PPP1R12B: variants seen among roughly 807,000 people sequenced by gnomAD.
PPP1R12B encodes myosin phosphatase target subunit 2.
A neutral mutation model predicts 126.1 loss-of-function variants in PPP1R12B; 76 were observed. The ratio of observed to expected loss-of-function variants is 0.60; its 90% CI spans 0.50 to 0.73. The LOEUF (loss-of-function observed/expected upper bound fraction) is 0.73, where lower values mean the gene tolerates loss of function less well. Among genes scored for constraint, PPP1R12B ranks in the 30% least tolerant of loss-of-function variants. The pLI, the probability that PPP1R12B is intolerant of heterozygous loss-of-function variation, is 0.00. For missense variants in PPP1R12B, 1,052 were observed against 1,205.1 expected (o/e 0.87, Z 1.88); for synonymous variants, 356 against 434.7 (o/e 0.82, Z 2.25).
rs1185411304 is a variant in PPP1R12B at position 202,590,751 on chromosome 1, T to C, written c.*10191T>C. 2.0e-5 allele frequency: 3 copies of C among 151,780 alleles called. No homozygotes were observed. The highest frequency in any genetic ancestry group is 4.4e-5 in the Non-Finnish European group (3 of 68,024). The allele number at this position is 151,780 out of a possible 1,614,324, so 9.4% of individuals were successfully genotyped here. Reference sequence around the variant, plus strand: ...GAGGGCCGGGGGCAAGGGCTGTACATGTGTCCTTCCTATGGAGACGAAGGC... The same window carrying C: ...GAGGGCCGGGGGCAAGGGCTGTACACGTGTCCTTCCTATGGAGACGAAGGC... On this transcript the variant is annotated 3_prime_UTR_variant, in exon 24 of 24. Transcript: ENST00000608999.
At chr1:202,357,450 T>C (rs928313794) in intron 1 of PPP1R12B, among the ~76,000 whole-genome samples, 5 of 152,214 alleles carry the variant, frequency 3.3e-5, no homozygotes, top group African/African-American at 1.2e-4. Flanking sequence ...CTTGTCTTTC[T>C]GTTGACTTTT....
At chr1:202,520,952 T>G (rs1190865593) in intron 18 of PPP1R12B, among the ~76,000 whole-genome samples, 1 of 152,144 alleles carries the variant, frequency 6.6e-6, no homozygotes, top group African/African-American at 2.4e-5. Context: ...CAGGTTTTTT[T>G]GCAATGATCC....
At chr1:202,564,367 C>G (rs1052917792) in intron 20 of PPP1R12B, 76 bp from the exon 21 acceptor site, 1 of 1,093,962 alleles carries the variant, frequency 9.1e-7, no homozygotes, top group South Asian at 1.3e-5. Flanking sequence ...GGGCACAGAG[C>G]CCTGGGCATT....
chr1:202,540,181 T>A, intron 18 of PPP1R12B: 1 of 1,611,062 alleles, frequency 6.2e-7, no homozygotes, highest in Non-Finnish European at 8.5e-7. Context: ...TCACTCGGAA[T>A]AGGAAATCTC....
At chr1:202,407,692 A>G (rs922227434) in intron 1 of PPP1R12B, among the ~76,000 whole-genome samples, 12 of 152,164 alleles carry the variant, frequency 7.9e-5, no homozygotes, top group Non-Finnish European at 1.2e-4. Context: ...AGCTACTTGG[A>G]AGGATTGACT....
Position 202,487,025 on chromosome 1 carries a change from G to T in PPP1R12B, c.1851-1508G>T, listed in dbSNP as rs760928551. ...ATAAGCCAATTTCTTTCATGAATGT[G>T]GTAGGAATTCTAAACTAAATAATAG... On this transcript the variant is annotated intron_variant, in intron 13 of 23. Coordinates refer to ENST00000608999, the MANE Select transcript of PPP1R12B (RefSeq NM_002481.4). Among the ~76,000 whole-genome samples the T allele has an allele frequency of 5.0e-4, 76 of 152,090 alleles. 5 individuals carry two copies. Among genetic ancestry groups the T allele is most frequent in the Non-Finnish European group, 1.3e-4 (9 of 68,020 alleles).
intron 7 of PPP1R12B, among the ~76,000 whole-genome samples, chr1:202,431,148 A>AT (rs1265316048): frequency 6.6e-6 from 1 of 152,228 alleles, no homozygotes; most frequent in Admixed American, 6.5e-5. Context: ...GTTTATGACT[A>AT]TACCAGTGCC....
intron 1 of PPP1R12B, among the ~76,000 whole-genome samples, chr1:202,390,909 G>C (rs1664048848): frequency 1.3e-5 from 2 of 152,210 alleles, no homozygotes; most frequent in Non-Finnish European, 2.9e-5. Flanking sequence ...CAAACAATTT[G>C]AAAAATTAGC....
intron 1 of PPP1R12B, among the ~76,000 whole-genome samples, chr1:202,385,345 T>G (rs887429417): frequency 6.6e-6 from 1 of 152,196 alleles, no homozygotes; most frequent in Admixed American, 6.5e-5. Context: ...TCCCAGTGGC[T>G]TCTTCTTAGT....
chr1:202,482,198 G>T (rs1331267017), intron 13 of PPP1R12B, among the ~76,000 whole-genome samples: 2 of 152,006 alleles, frequency 1.3e-5, no homozygotes, highest in African/African-American at 4.8e-5. Flanking sequence ...CCATAAACAC[G>T]GTAAGGCAGA....
rs1179836167 is a variant in PPP1R12B, at chr1:202,372,940, C to CT, written c.291+23808dup. On this transcript the variant is annotated intron_variant, in intron 1 of 23. Coordinates refer to ENST00000608999, the MANE Select transcript of PPP1R12B (RefSeq NM_002481.4). ...CATCTGTTAATCCTGATGATAATTT[C>CT]TTTTTTTTTTGTAAGATGGAGTCTT... Among the ~76,000 whole-genome samples, 356 of 148,062 alleles carry CT rather than the reference C, an allele frequency of 2.4e-3. 1 individual carries two copies. Among genetic ancestry groups the CT allele is most frequent in the African/African-American group, 7.7e-3 (312 of 40,458 alleles).
In PPP1R12B at chr1:202,419,236, A is replaced by G. The variant is rs1668466679; in HGVS notation, c.422+2319A>G. Among the ~76,000 whole-genome samples, 3 of 152,128 alleles carry G rather than the reference A, an allele frequency of 2.0e-5. No homozygotes were observed. Among genetic ancestry groups the G allele is most frequent in the African/African-American group, 7.2e-5 (3 of 41,426 alleles). ...ACCCAAACATACATCATTTGGCTTTATAGTTTATTGAGTTGCTAATTTATT... is the reference window on the plus strand; with the variant it reads ...ACCCAAACATACATCATTTGGCTTTGTAGTTTATTGAGTTGCTAATTTATT... On this transcript the variant is annotated intron_variant, in intron 2 of 23. Transcript: ENST00000608999. The surrounding 1 kb of genome is among the most constrained non-coding windows in gnomAD (Gnocchi z 4.6).
At chr1:202,539,482 TG>T (rs1684889454) in intron 18 of PPP1R12B, among the ~76,000 whole-genome samples, 1 of 152,214 alleles carries the variant, frequency 6.6e-6, no homozygotes, top group Non-Finnish European at 1.5e-5. Flanking sequence ...CAGCTTCGTC[TG>T]GGAGGACTTA....
At chr1:202,556,500 GT>G (rs934848777) in intron 18 of PPP1R12B, among the ~76,000 whole-genome samples, 1 of 151,850 alleles carries the variant, frequency 6.6e-6, no homozygotes, top group East Asian at 1.9e-4. Flanking sequence ...ATAACAATAT[GT>G]TTTTTTAAAA....
chr1:202,459,636 C>T (rs1464702577), intron 13 of PPP1R12B, among the ~76,000 whole-genome samples: 1 of 152,110 alleles, frequency 6.6e-6, no homozygotes, highest in African/African-American at 2.4e-5. Flanking sequence ...AATGCTGAGG[C>T]CCTAAGAGCA....
chr1:202,555,353 A>G lies in PPP1R12B; in HGVS notation c.2491-3524A>G, dbSNP rs868207082. Among the ~76,000 whole-genome samples, 33 of 121,672 alleles carry G rather than the reference A, an allele frequency of 2.7e-4. 1 individual carries two copies. The highest frequency in any genetic ancestry group is 9.2e-4 in the African/African-American group (31 of 33,760). 79.8% of individuals were successfully genotyped at this position (121,672 alleles called of 152,430 possible). A position where few individuals can be genotyped will look rare whatever the true frequency, so the allele number is the denominator to read the frequency against. ...AAAAAAAAAAAAAAAAAAAAAAAAA[A>G]GCTTGTTTCGTCACCATAGAGGCAG... On this transcript the variant is annotated intron_variant, in intron 18 of 23. Coordinates refer to ENST00000608999, the MANE Select transcript of PPP1R12B (RefSeq NM_002481.4).
At chr1:202,546,669 G>A (rs1413502318) in intron 18 of PPP1R12B, among the ~76,000 whole-genome samples, 2 of 152,162 alleles carry the variant, frequency 1.3e-5, no homozygotes, top group Admixed American at 6.6e-5. Flanking sequence ...ATGCTGTTGA[G>A]TGGGGAAATG....
intron 10 of PPP1R12B, chr1:202,439,149 A>T: frequency 6.3e-7 from 1 of 1,581,186 alleles, no homozygotes; most frequent in Non-Finnish European, 8.7e-7. Flanking sequence ...TTGAAGGTGA[A>T]GTGTCTGAAC....
At chr1:202,543,001 CT>C (rs905356065) in intron 18 of PPP1R12B, among the ~76,000 whole-genome samples, 1 of 151,842 alleles carries the variant, frequency 6.6e-6, no homozygotes, top group Non-Finnish European at 1.5e-5. Context: ...AAGTTTGATT[CT>C]TTTTTTTGAG....
Sources: gnomAD v4.1 joint callset for allele counts (sites outside exome capture counted in the v4.1 genomes callset) on GRCh38, gnomAD v4.1.1 for gene constraint, Gnocchi (gnomAD v3.1) non-coding constraint, MANE v1.5 for transcripts, NCBI Gene and HGNC (gene_info 2026-07-23, HGNC 2026-07-21) for gene names.